Variants in CLCN4 observed in about 807,000 individuals in gnomAD.
CLCN4 encodes the protein H(+)/Cl(-) exchange transporter 4.
Under a neutral mutation model 41.7 loss-of-function variants are expected in CLCN4, and 1 was observed. The ratio of observed to expected loss-of-function variants is 0.02; its 90% confidence interval spans 0.01 to 0.11. CLCN4 has a LOEUF of 0.11. Among genes scored for constraint, CLCN4 ranks in the 10% least tolerant of loss-of-function variants. The probability of loss-of-function intolerance (pLI) is 1.00; values close to 1 mark genes in which losing one functional copy is unlikely to be tolerated. For synonymous variants in CLCN4, 277 were observed against 285.8 expected (o/e 0.97, Z 0.31); for missense variants, 287 against 661.0 (o/e 0.43, Z 6.20).
chrX:10,224,836 TAC>T (rs1410970541), intron 12 of CLCN4, among the ~76,000 whole-genome samples: 2 of 112,141 alleles, frequency 1.8e-5, no homozygotes, highest in African/African-American at 6.5e-5. Context: ...AGTGAGAACA[TAC>T]AGTGTTTGGT....
At position 10,194,990 on chromosome X, in the gene CLCN4, G is replaced by T; in HGVS notation, c.324G>T (p.Trp108Cys). The change falls in exon 5 of 13, where the codon TGG (tryptophan) becomes TGT (cysteine). Residue 108 changes from tryptophan to cysteine, a missense_variant. Physicochemically the swap from Trp to Cys is radical, Grantham distance 215. Transcript: ENST00000380833. ...AGGGGGTCTGCCTGTCTGCCTTCTGGTATAGCCATGAGCAGTGTTGCTGGA... is the reference window on the plus strand; with the variant it reads ...AGGGGGTCTGCCTGTCTGCCTTCTGTTATAGCCATGAGCAGTGTTGCTGGA... ...LKEGVCLSAF[W>C]YSHEQCCWTS... 6 of 1,211,390 alleles carry T rather than the reference G, an allele frequency of 5.0e-6. No individual in the cohort carries two copies. The highest frequency in any genetic ancestry group is 6.7e-6 in the Non-Finnish European group (6 of 895,251).
chrX:10,180,489 C>T (rs1410629746), intron 2 of CLCN4, among the ~76,000 whole-genome samples: 8 of 111,405 alleles, frequency 7.2e-5, no homozygotes, highest in Non-Finnish European at 1.1e-4. Flanking sequence ...GCCACCTGGC[C>T]GGGCGCAGTG....
chrX:10,181,846 A>G (rs1206683663), intron 2 of CLCN4, among the ~76,000 whole-genome samples: 24 of 112,094 alleles, frequency 2.1e-4, no homozygotes, highest in Non-Finnish European at 3.8e-5. Context: ...AAATGACATC[A>G]TTAATACTAT....
At chrX:10,185,220 T>C (rs1347205324) in intron 3 of CLCN4, 44 bp downstream of exon 3, 16 of 1,159,281 alleles carry the variant, frequency 1.4e-5, no homozygotes, top group African/African-American at 1.8e-5. Context: ...GGCTAAGCCA[T>C]GTTTTCATTC....
chrX:10,217,099 C>T (rs1225730879), intron 11 of CLCN4, among the ~76,000 whole-genome samples: 3 of 105,631 alleles, frequency 2.8e-5, no homozygotes, highest in African/African-American at 6.9e-5. Flanking sequence ...GTCTTATGGA[C>T]GCATTTAAAA....
At chrX:10,209,374 T>TA (rs1924486903) in intron 9 of CLCN4, among the ~76,000 whole-genome samples, 1 of 42,403 alleles carries the variant, frequency 2.4e-5, no homozygotes, top group African/African-American at 2.2e-4. Flanking sequence ...CTTTCCCCTT[T>TA]CCCCCTTCCC....
rs1362417258 is a variant in CLCN4 at position 10,208,675 on chromosome X, G to GA, written c.1389+92dup. The GA allele has an allele frequency of 8.0e-6, 7 of 871,512 alleles. No individual in the cohort carries two copies. The East Asian group carries it at 1.6e-4, about 20-fold the overall frequency. 71.8% of individuals were successfully genotyped at this position (871,512 alleles called of 1,213,427 possible). A position where few individuals can be genotyped will look rare whatever the true frequency, so the allele number is the denominator to read the frequency against. ...ACTCTCTAAAATAAAATTGCGGTGG[G>GA]AAAAAAAGGGGAACTGGCCTTTCTT... On this transcript the variant is annotated intron_variant, in intron 9 of 12. Transcript: ENST00000380833.
intron 2 of CLCN4, among the ~76,000 whole-genome samples, chrX:10,169,907 G>A (rs1234091722): frequency 1.8e-5 from 2 of 108,432 alleles, no homozygotes; most frequent in African/African-American, 6.8e-5. Context: ...TCCTGCCTCA[G>A]CCTCCTAAGT....
rs1923003225 is a variant in CLCN4 at position 10,158,328 on chromosome X, G to T, written c.-235G>T. The stretch of plus-strand genomic sequence containing the variant: ...ACACATCAAGCGAAACGCCTGAGGG[G>T]CGGCCAGCGCGAGGGTTTCTGGCCA... On this transcript the variant is annotated 5_prime_UTR_variant, in exon 2 of 13. Coordinates refer to ENST00000380833, the MANE Select transcript of CLCN4 (RefSeq NM_001830.4). The T allele has an allele frequency of 6.9e-6, 2 of 291,037 alleles. No homozygotes were observed. Among genetic ancestry groups the T allele is most frequent in the South Asian group, 2.2e-4 (1 of 4,605 alleles). The allele number at this position is 291,037 out of a possible 1,213,427, so 24.0% of individuals were successfully genotyped here.
At chrX:10,204,160 G>T (rs925096877) in intron 6 of CLCN4, among the ~76,000 whole-genome samples, 16 of 111,957 alleles carry the variant, frequency 1.4e-4, no homozygotes, top group African/African-American at 5.2e-4. Context: ...GGTGTATGAA[G>T]TTAATCACTG....
chrX:10,226,968 A>G (rs1263148913), intron 12 of CLCN4, among the ~76,000 whole-genome samples: 1 of 110,875 alleles, frequency 9.0e-6, no homozygotes. Context: ...TACCAGAGGT[A>G]CAAAGAGGAA....
intron 4 of CLCN4, among the ~76,000 whole-genome samples, chrX:10,189,288 C>T (rs751173668): frequency 2.7e-5 from 3 of 112,244 alleles, no homozygotes; most frequent in Non-Finnish European, 1.9e-5. Context: ...CATTGACTGA[C>T]CTAGGAGCCC....
chrX:10,233,783 C>T lies in CLCN4; in HGVS notation c.*199C>T, dbSNP rs759490835. ...ATGAGTAGGCATTTTATAGCTTTAA[C>T]CCCGTATGAGTTTCAAGCTGTGTTT... On this transcript the variant is annotated 3_prime_UTR_variant, in exon 13 of 13. Transcript: ENST00000380833. The T allele has an allele frequency of 2.5e-6, 1 of 403,160 alleles. No individual in the cohort carries two copies. The highest frequency in any genetic ancestry group is 3.7e-5 in the South Asian group (1 of 27,358). The allele number at this position is 403,160 out of a possible 1,213,427, so 33.2% of individuals were successfully genotyped here.
At chrX:10,165,635 G>A (rs1286071722) in intron 2 of CLCN4, among the ~76,000 whole-genome samples, 1 of 112,321 alleles carries the variant, frequency 8.9e-6, no homozygotes, top group Admixed American at 9.3e-5. Flanking sequence ...TTCCCGATGG[G>A]CTGACTGTGT....
At chrX:10,229,366 G>A (rs1925065495) in intron 12 of CLCN4, among the ~76,000 whole-genome samples, 1 of 107,500 alleles carries the variant, frequency 9.3e-6, no homozygotes, top group Non-Finnish European at 1.9e-5. Flanking sequence ...GTATATTTAT[G>A]GAACACATGA....
intron 12 of CLCN4, among the ~76,000 whole-genome samples, chrX:10,232,249 A>G (rs1925144701): frequency 8.9e-6 from 1 of 112,229 alleles, no homozygotes; most frequent in Non-Finnish European, 1.9e-5. Context: ...CTGGCCTGAC[A>G]GTTTGAATAA....
rs138602675 is a variant in CLCN4, at chrX:10,212,535, C to T, written c.1458C>T (p.Gly486=). The T allele has an allele frequency of 1.7e-4, 211 of 1,209,663 alleles. 1 individual carries two copies. The African/African-American group carries it at 3.0e-3, about 17-fold the overall frequency. ...GAIAGRMVGI[G]VEQLAYHHHD... ...TAGCGGGCAGGATGGTGGGAATTGG[C>T]GTGGAGCAGCTGGCCTACCATCACC... The change falls in exon 10 of 13, where the codon GGC becomes GGT. Residue 486 remains glycine, a synonymous_variant. Coordinates refer to ENST00000380833, the MANE Select transcript of CLCN4 (RefSeq NM_001830.4).
At chrX:10,209,544 T>A (rs1261648117) in intron 9 of CLCN4, among the ~76,000 whole-genome samples, 1 of 109,501 alleles carries the variant, frequency 9.1e-6, no homozygotes, top group African/African-American at 3.3e-5. Context: ...AAATTTTTTG[T>A]ACAGATGAGG....
In CLCN4 at chrX:10,208,516, T is replaced by C. The variant is rs1924455079; in HGVS notation, c.1315T>C (p.Tyr439His). 1 of 1,209,434 alleles carries C rather than the reference T, an allele frequency of 8.3e-7. No individual in the cohort carries two copies. Among genetic ancestry groups the C allele is most frequent in the African/African-American group, 1.8e-5 (1 of 57,001 alleles). Reference sequence around the variant, plus strand: ...AGACCGGCCGGCTGGTGTCGGTGTTTACACGGCCATGTGGCAGCTGGCCCT... The same window carrying C: ...AGACCGGCCGGCTGGTGTCGGTGTTCACACGGCCATGTGGCAGCTGGCCCT... ...IPDRPAGVGV[Y>H]TAMWQLALAL... Residue 439 changes from tyrosine (Y) to histidine (H), a missense_variant, in exon 9 of 13, where the codon TAC (tyrosine) becomes CAC (histidine). Physicochemically the swap from Tyr to His is moderately conservative, Grantham distance 83 (BLOSUM62 2). Transcript: ENST00000380833.
Sources: gnomAD v4.1 joint callset for allele counts (sites outside exome capture counted in the v4.1 genomes callset) on GRCh38, gnomAD v4.1.1 for gene constraint, MANE v1.5 for transcripts, NCBI Gene and HGNC (gene_info 2026-07-23, HGNC 2026-07-21) for gene names.